ST3GAL3: variants seen among roughly 807,000 people sequenced by gnomAD.
ST3GAL3 encodes CMP-N-acetylneuraminate-beta-1,4-galactoside alpha-2,3-sialyltransferase.
Under a neutral mutation model 50.1 loss-of-function variants are expected in ST3GAL3, and 21 were observed. That is an observed-to-expected ratio of 0.42 (90% CI 0.30 to 0.60). The LOEUF (loss-of-function observed/expected upper bound fraction) is 0.60, where lower values mean the gene tolerates loss of function less well. ST3GAL3 is among the 20% of genes least tolerant of loss of function. The probability of loss-of-function intolerance (pLI) is 0.19; values close to 1 mark genes in which losing one functional copy is unlikely to be tolerated. For synonymous variants in ST3GAL3, 183 were observed against 190.0 expected, an observed-to-expected ratio of 0.96 and a Z score of 0.30; for missense variants, 353 against 489.4, an observed-to-expected ratio of 0.72 and a Z score of 2.63.
intron 3 of ST3GAL3, among the ~76,000 whole-genome samples, chr1:43,811,247 T>G (rs1329292453): frequency 2.6e-5 from 4 of 152,192 alleles, no homozygotes; most frequent in Non-Finnish European, 5.9e-5. Context: ...CCTGCCTGTC[T>G]TTCCTCTTCC....
At chr1:43,764,409 G>A (rs1037210972) in intron 2 of ST3GAL3, among the ~76,000 whole-genome samples, 4 of 152,008 alleles carry the variant, frequency 2.6e-5, no homozygotes, top group East Asian at 1.9e-4. Context: ...AGGTAGAGTC[G>A]CGCAACACAA....
intron 2 of ST3GAL3, among the ~76,000 whole-genome samples, chr1:43,751,137 A>G (rs772071382): frequency 3.5e-4 from 54 of 152,320 alleles, no homozygotes; most frequent in Admixed American, 2.1e-3. Context: ...ATTTACAAAA[A>G]TATTCTCACT....
chr1:43,768,637 T>A (rs1693997881), intron 2 of ST3GAL3, among the ~76,000 whole-genome samples: 1 of 152,022 alleles, frequency 6.6e-6, no homozygotes, highest in Admixed American at 6.6e-5. Context: ...ATGCCAAAAG[T>A]CCTGAGAATT....
At chr1:43,720,559 G>A (rs1669909718) in intron 1 of ST3GAL3, 2 of 152,206 alleles carry the variant, frequency 1.3e-5, no homozygotes, top group South Asian at 2.1e-4. Flanking sequence ...GACCTGGAAG[G>A]GCAAGAGAGA....
chr1:43,919,403 A>G (rs917352733), intron 9 of ST3GAL3: 3 of 152,246 alleles, frequency 2.0e-5, no homozygotes, highest in African/African-American at 7.2e-5. Flanking sequence ...TTCTATGCAA[A>G]TAACAGTTCG....
chr1:43,787,202 A>G (rs2057457177), intron 2 of ST3GAL3, among the ~76,000 whole-genome samples: 1 of 152,232 alleles, frequency 6.6e-6, no homozygotes, highest in South Asian at 2.1e-4. Flanking sequence ...GGTCACTTGT[A>G]TGGCAGGCCA....
At chr1:43,921,043 T>C in intron 11 of ST3GAL3, 115 bp downstream of exon 11, 1 of 1,271,020 alleles carries the variant, frequency 7.9e-7, no homozygotes, top group East Asian at 2.5e-5. Context: ...CCCCAGAAGG[T>C]CCTGACACCA....
chr1:43,859,127 C>T (rs899663283), intron 5 of ST3GAL3, among the ~76,000 whole-genome samples: 3 of 152,302 alleles, frequency 2.0e-5, no homozygotes, highest in Admixed American at 6.5e-5. Flanking sequence ...TATTGGGCCA[C>T]GTGGCCTCTG....
chr1:43,803,531 G>A (rs936606064), intron 3 of ST3GAL3, among the ~76,000 whole-genome samples: 34 of 152,270 alleles, frequency 2.2e-4, no homozygotes, highest in African/African-American at 3.6e-4. Context: ...GTAGACCAAC[G>A]GTGTCATTTT....
chr1:43,714,771 C>T (rs1256367498), intron 1 of ST3GAL3, among the ~76,000 whole-genome samples: 1 of 152,198 alleles, frequency 6.6e-6, no homozygotes, highest in Non-Finnish European at 1.5e-5. Flanking sequence ...TTGCTGACTT[C>T]TTCCCCCTGA....
intron 2 of ST3GAL3, among the ~76,000 whole-genome samples, chr1:43,764,191 GA>G (rs2154124486): frequency 6.6e-6 from 1 of 152,276 alleles, no homozygotes; most frequent in South Asian, 2.1e-4. Flanking sequence ...TATAAGCAAG[GA>G]GGTAATATTT....
chr1:43,746,097 G>A (rs1275726182), intron 2 of ST3GAL3, among the ~76,000 whole-genome samples: 1 of 152,192 alleles, frequency 6.6e-6, no homozygotes, highest in Non-Finnish European at 1.5e-5. Context: ...CTATATCTGA[G>A]AAGCTATCAG....
chr1:43,919,359 A>G lies in ST3GAL3; in HGVS notation c.745-1045A>G, dbSNP rs183920933. On this transcript the variant is annotated intron_variant, in intron 9 of 11. Coordinates refer to ENST00000347631, the MANE Select transcript of ST3GAL3 (RefSeq NM_006279.5). ...CTCCCAAAGTGCTGGGATTACAGGC[A>G]TGAGCCACTGCGCCTGGCTGATTCT... 4.7e-3 allele frequency: 722 copies of G among 152,310 alleles called. 7 individuals are homozygous for G. The highest frequency in any genetic ancestry group is 0.019 in the South Asian group (93 of 4,832). The allele number at this position is 152,310 out of a possible 1,614,324, so 9.4% of individuals were successfully genotyped here.
Position 43,792,140 on chromosome 1 carries a change from C to T in ST3GAL3, c.157C>T (p.Leu53=). The stretch of plus-strand genomic sequence containing the variant: ...TTCCTTTGACTCCGCTGGACAAACA[C>T]TAGGCTCAGGTACCAACTCTTCCCC... ...VLSFDSAGQT[L]GSEYDRLGFL... is the part of the protein sequence containing the mutation. The change falls in exon 3 of 12, where the codon CTA becomes TTA. Residue 53 remains leucine, a synonymous_variant. Transcript: ENST00000347631. The T allele has an allele frequency of 6.2e-7, 1 of 1,614,212 alleles. No homozygotes were observed. Among genetic ancestry groups the T allele is most frequent in the Non-Finnish European group, 8.5e-7 (1 of 1,180,040 alleles).
intron 4 of ST3GAL3, among the ~76,000 whole-genome samples, chr1:43,824,380 G>A (rs575981741): frequency 6.6e-6 from 1 of 151,436 alleles, no homozygotes; most frequent in South Asian, 2.1e-4. Context: ...AAAAAAAAGA[G>A]GAAAGGGGTG....
chr1:43,787,390 A>G (rs529701057), intron 2 of ST3GAL3, among the ~76,000 whole-genome samples: 2 of 152,404 alleles, frequency 1.3e-5, no homozygotes, highest in Admixed American at 1.3e-4. Flanking sequence ...AAAGTGGTTT[A>G]TAACTAAAAT....
intron 5 of ST3GAL3, among the ~76,000 whole-genome samples, chr1:43,882,829 G>T (rs2154257999): frequency 6.6e-6 from 1 of 152,198 alleles, no homozygotes; most frequent in East Asian, 1.9e-4. Context: ...TGCATGGTTT[G>T]TATAGGTCAC....
chr1:43,893,648 CCTT>C (rs1200973969), intron 5 of ST3GAL3, among the ~76,000 whole-genome samples: 3 of 152,172 alleles, frequency 2.0e-5, no homozygotes, highest in Admixed American at 1.3e-4. Context: ...ACTTCACCCT[CCTT>C]CTCTCGCCTT....
intron 2 of ST3GAL3, chr1:43,739,311 C>T (rs989978645): frequency 3.3e-5 from 5 of 150,928 alleles, no homozygotes; most frequent in Admixed American, 3.3e-4. Flanking sequence ...CAGCTTCAAC[C>T]TCCTGGGCTT....
Sources: gnomAD v4.1 joint callset for allele counts (sites outside exome capture counted in the v4.1 genomes callset) on GRCh38, gnomAD v4.1.1 for gene constraint, MANE v1.5 for transcripts, NCBI Gene and HGNC (gene_info 2026-07-23, HGNC 2026-07-21) for gene names.